FAM9C: variants seen among roughly 807,000 people sequenced by gnomAD.
FAM9C encodes the protein protein FAM9C.
Under a neutral mutation model 14.8 loss-of-function variants are expected in FAM9C, and 15 were observed. The observed-to-expected ratio is 1.02, with a 90% CI of 0.68 to 1.56. The LOEUF is 1.56. Ranked by LOEUF, FAM9C falls within the 40% of genes most tolerant of loss-of-function variation. The pLI, the probability that FAM9C is intolerant of heterozygous loss-of-function variation, is 0.00. For synonymous variants in FAM9C, 45 were observed against 37.5 expected, an observed-to-expected ratio of 1.20 and a Z score of -0.74; for missense variants, 116 against 118.0, an observed-to-expected ratio of 0.98 and a Z score of 0.08.
chrX:13,040,938 AT>A (rs1344770338), intron 4 of FAM9C, 66 bp from the exon 5 acceptor site: 8 of 604,505 alleles, frequency 1.3e-5, no homozygotes, highest in African/African-American at 2.3e-5. Flanking sequence ...ATATATTAAA[AT>A]CAATATGGGA....
chrX:13,042,950 C>G lies in FAM9C; in HGVS notation c.183-1G>C. On this transcript the variant is annotated splice_acceptor_variant, in intron 3 of 7. Coordinates refer to ENST00000380625, the MANE Select transcript of FAM9C (RefSeq NM_174901.6). LOFTEE classifies it high-confidence loss of function. ...ATCTTCTAGCTCCTTGGTATCAACC[C>G]TGTAACAAAAAGTTGCAACACAATT... 1 of 1,185,398 alleles carries G rather than the reference C, an allele frequency of 8.4e-7. No homozygotes were observed. The highest frequency in any genetic ancestry group is 3.0e-5 in the East Asian group (1 of 33,610).
intron 7 of FAM9C, chrX:13,037,716 A>G (rs753611800): frequency 8.9e-6 from 1 of 112,906 alleles, no homozygotes; most frequent in South Asian, 3.7e-4. Context: ...AATAATATAC[A>G]TCTACATGAA....
chrX:13,043,993 C>G, intron 1 of FAM9C, 136 bp from the exon 2 acceptor site: 1 of 434,667 alleles, frequency 2.3e-6, no homozygotes, highest in Non-Finnish European at 4.1e-6. Context: ...TGCCATCATC[C>G]CCTCCTGTCC....
chrX:13,043,289 A>C, intron 2 of FAM9C, 41 bp from the exon 3 acceptor site: 1 of 1,169,577 alleles, frequency 8.6e-7, no homozygotes. Flanking sequence ...TTAGAGGAAG[A>C]CGCTGTTGTG....
chrX:13,042,615 A>C (rs1186778054), intron 4 of FAM9C: 9 of 338,893 alleles, frequency 2.7e-5, no homozygotes, highest in Middle Eastern at 8.4e-4. Context: ...GTGTACACTG[A>C]AAGGAACGAA....
intron 7 of FAM9C, chrX:13,037,538 T>C (rs1322008176): frequency 1.8e-5 from 2 of 113,233 alleles, no homozygotes; most frequent in Non-Finnish European, 3.8e-5. Flanking sequence ...ATAACCGTTT[T>C]GTGTATAGAT....
At chrX:13,044,458 C>T (rs1022735208) in intron 1 of FAM9C, 82 bp downstream of exon 1, 27 of 110,797 alleles carry the variant, frequency 2.4e-4, no homozygotes, top group African/African-American at 8.9e-4. Context: ...CACAGATCAG[C>T]CTGGCTGCCC....
In FAM9C at chrX:13,038,406, T is replaced by C. The variant is rs2043496959; in HGVS notation, c.*25+10A>G. 7.8e-6 allele frequency: 9 copies of C among 1,156,460 alleles called. No homozygotes were observed. The highest frequency in any genetic ancestry group is 1.0e-5 in the Non-Finnish European group (9 of 865,330). ...TATAAGAACGTATTGTGTTACCAAA[T>C]AGAACAGACCTTTGTGAATTGCTCG... On this transcript the variant is annotated intron_variant, in intron 7 of 7. Coordinates refer to ENST00000380625, the MANE Select transcript of FAM9C (RefSeq NM_174901.6).
intron 4 of FAM9C, chrX:13,041,143 G>T (rs2043522792): frequency 1.2e-5 from 2 of 164,781 alleles, no homozygotes; most frequent in Admixed American, 8.4e-5. Context: ...TTTTTTAAGT[G>T]TGCAGAAAGG....
intron 2 of FAM9C, 81 bp downstream of exon 2, chrX:13,043,648 C>T: frequency 3.1e-5 from 35 of 1,128,276 alleles, no homozygotes; most frequent in Non-Finnish European, 4.3e-5. Flanking sequence ...GGGCCTCGGG[C>T]TGCCCATGTG....
rs2043475376 is a variant in FAM9C at position 13,035,674 on chromosome X, A to G, written c.*370T>C. On this transcript the variant is annotated 3_prime_UTR_variant, in exon 8 of 8. Transcript: ENST00000380625. ...GTACTTTTCCATGCCCGTGCTTTCCACATTTTGGAACTGATACAGATCCAC... is the reference window on the plus strand; with the variant it reads ...GTACTTTTCCATGCCCGTGCTTTCCGCATTTTGGAACTGATACAGATCCAC... The G allele has an allele frequency of 2.7e-5, 3 of 112,324 alleles. No homozygotes were observed. Among genetic ancestry groups the G allele is most frequent in the Middle Eastern group, 9.2e-3 (2 of 218 alleles). The allele number at this position is 112,324 out of a possible 1,213,427, so 9.3% of individuals were successfully genotyped here. A position where few individuals can be genotyped will look rare whatever the true frequency, so the allele number is the denominator to read the frequency against.
intron 1 of FAM9C, among the ~76,000 whole-genome samples, chrX:13,044,198 C>A (rs2043554801): frequency 8.9e-6 from 1 of 112,103 alleles, no homozygotes; most frequent in South Asian, 3.7e-4. Flanking sequence ...CCGGTACGCA[C>A]CTGTTTCTGA....
At chrX:13,039,993 T>A in intron 5 of FAM9C, 77 bp from the exon 6 acceptor site, 1 of 847,090 alleles carries the variant, frequency 1.2e-6, no homozygotes. Flanking sequence ...CAAAACTGAC[T>A]TGACATAGTT....
chrX:13,043,613 A>AGCT (rs2043548236), intron 2 of FAM9C, 116 bp downstream of exon 2: 2 of 892,029 alleles, frequency 2.2e-6, no homozygotes, highest in Non-Finnish European at 3.2e-6. Flanking sequence ...ATGCACGGTG[A>AGCT]GCTCCAAAGC....
intron 2 of FAM9C, 30 bp downstream of exon 2, chrX:13,043,698 CT>C (rs1569136757): frequency 8.3e-7 from 1 of 1,210,153 alleles, no homozygotes; most frequent in East Asian, 3.0e-5. Context: ...GGGCGTGCAC[CT>C]TCTTCTAGGT....
At position 13,042,935 on chromosome X, in the gene FAM9C, T is replaced by A. The variant is rs759133651; in HGVS notation, c.197A>T (p.Glu66Val). 3 of 1,198,606 alleles carry A rather than the reference T, an allele frequency of 2.5e-6. No homozygotes were observed. In the South Asian group the frequency reaches 5.6e-5, roughly 22 times the overall value. The change falls in exon 4 of 8, where the codon GAG becomes GTG. Residue 66 changes from glutamate (E) to valine (V), a missense_variant. Coordinates refer to ENST00000380625, the MANE Select transcript of FAM9C (RefSeq NM_174901.6). ...TDEHTGVDTKELEDIAADIKE... is the reference protein window; with the variant it reads ...TDEHTGVDTKVLEDIAADIKE... Reference sequence around the variant, plus strand: ...AAACATACCTGCAATATCTTCTAGCTCCTTGGTATCAACCCTGTAACAAAA... The same window carrying A: ...AAACATACCTGCAATATCTTCTAGCACCTTGGTATCAACCCTGTAACAAAA...
chrX:13,043,896 C>G, intron 1 of FAM9C, 39 bp from the exon 2 acceptor site: 1 of 825,225 alleles, frequency 1.2e-6, no homozygotes, highest in East Asian at 3.3e-5. Flanking sequence ...ACTAAGGAAA[C>G]GAGGCGTGTT....
Position 13,042,681 on chromosome X carries a change from C to T in FAM9C, c.214+237G>A, listed in dbSNP as rs1045122304. On this transcript the variant is annotated intron_variant, in intron 4 of 7. Transcript: ENST00000380625. ...TATCCCCCAAACAATTAAATTTCCACGTGTATGAAAGAAAAGCCACCCCTC... is the reference window on the plus strand; with the variant it reads ...TATCCCCCAAACAATTAAATTTCCATGTGTATGAAAGAAAAGCCACCCCTC... 3.8e-5 allele frequency: 16 copies of T among 424,810 alleles called. No individual in the cohort carries two copies. In the Admixed American group the frequency reaches 5.2e-4, roughly 14 times the overall value. The allele number at this position is 424,810 out of a possible 1,213,427, so 35.0% of individuals were successfully genotyped here.
At chrX:13,036,045 A>T (rs776723570) in intron 7 of FAM9C, 27 bp from the exon 8 acceptor site, 1 of 112,493 alleles carries the variant, frequency 8.9e-6, no homozygotes, top group Non-Finnish European at 1.9e-5. Context: ...AATTTAAGTA[A>T]TTGCGATACA....
Sources: gnomAD v4.1 joint callset for allele counts (sites outside exome capture counted in the v4.1 genomes callset) on GRCh38, gnomAD v4.1.1 for gene constraint, MANE v1.5 for transcripts, NCBI Gene and HGNC (gene_info 2026-07-23, HGNC 2026-07-21) for gene names.